The following SLC7A14 variants were observed in gnomAD, a reference collection of about 807,000 sequenced individuals.
The protein encoded by SLC7A14 is gamma-aminobutyric acid transporter SLC7A14.
In SLC7A14, 37 loss-of-function variants were observed where a neutral mutation model predicts 60.2. That is an observed-to-expected ratio of 0.61 (90% CI 0.47 to 0.81). The LOEUF is 0.81. Ranked by LOEUF, SLC7A14 falls within the 30% of genes least tolerant of loss-of-function variation. The pLI, the probability that SLC7A14 is intolerant of heterozygous loss-of-function variation, is 0.00. For synonymous variants in SLC7A14, 399 were observed against 395.8 expected, an observed-to-expected ratio of 1.01 and a Z score of -0.10; for missense variants, 886 against 982.7, an observed-to-expected ratio of 0.90 and a Z score of 1.32.
At chr3:170,516,723 T>C (rs1713171575) in intron 2 of SLC7A14, among the ~76,000 whole-genome samples, 1 of 152,034 alleles carries the variant, frequency 6.6e-6, no homozygotes. Context: ...GCCATGATCA[T>C]GCCACTGCAC....
At chr3:170,504,257 A>C (rs1465473471) in intron 2 of SLC7A14, among the ~76,000 whole-genome samples, 1 of 152,192 alleles carries the variant, frequency 6.6e-6, no homozygotes, top group Non-Finnish European at 1.5e-5. Flanking sequence ...CACATTTAAG[A>C]GTATCTTTCT....
At chr3:170,582,325 A>T (rs892003020) in intron 1 of SLC7A14, among the ~76,000 whole-genome samples, 11 of 152,192 alleles carry the variant, frequency 7.2e-5, no homozygotes, top group Non-Finnish European at 5.9e-5. Flanking sequence ...CTTAAATGAT[A>T]AAAATTTTCT....
intron 2 of SLC7A14, among the ~76,000 whole-genome samples, chr3:170,510,696 A>G (rs1174978569): frequency 6.6e-6 from 1 of 152,204 alleles, no homozygotes; most frequent in Non-Finnish European, 1.5e-5. Context: ...CTGTGCCCCA[A>G]GCCAATCTTC....
intron 4 of SLC7A14, chr3:170,495,900 G>A (rs1712377899): frequency 2.1e-6 from 3 of 1,428,984 alleles, no homozygotes; most frequent in Non-Finnish European, 2.9e-6. Flanking sequence ...TCTGGGCTAG[G>A]AGAAGCTGAA....
chr3:170,481,881 A>G (rs1711840987), intron 6 of SLC7A14, among the ~76,000 whole-genome samples: 1 of 152,150 alleles, frequency 6.6e-6, no homozygotes, highest in Non-Finnish European at 1.5e-5. Context: ...TGACCTGTGA[A>G]CTAGCATCTT....
At position 170,483,482 on chromosome 3, in the gene SLC7A14, A is replaced by G. The variant is rs1256753775; in HGVS notation, c.947T>C (p.Ile316Thr). The change falls in exon 6 of 8, where the codon ATT becomes ACT. Residue 316 changes from isoleucine to threonine, a missense_variant. By Grantham distance (89) the Ile-to-Thr change is moderately conservative. Transcript: ENST00000231706. ...ILTLMVPYYT[I>T]DTESPLMEMF... ...CTCCATGAGTGGGGATTCCGTGTCA[A>G]TGGTATAATATGGCACCATCAGAGT... 8.1e-6 allele frequency: 13 copies of G among 1,614,216 alleles called. No individual in the cohort carries two copies. The highest frequency in any genetic ancestry group is 1.1e-5 in the Non-Finnish European group (13 of 1,180,052).
intron 2 of SLC7A14, among the ~76,000 whole-genome samples, chr3:170,509,329 T>C (rs1488415701): frequency 6.6e-6 from 1 of 152,122 alleles, no homozygotes; most frequent in Non-Finnish European, 1.5e-5. Context: ...CAGGGGTGTA[T>C]GACATCATGT....
At chr3:170,540,637 C>G (rs1490404137) in intron 1 of SLC7A14, among the ~76,000 whole-genome samples, 1 of 152,080 alleles carries the variant, frequency 6.6e-6, no homozygotes, top group East Asian at 1.9e-4. Context: ...GATCCATGGT[C>G]CAGAGAATTC....
At chr3:170,563,377 G>GTGCACTCA (rs368160241) in intron 1 of SLC7A14, among the ~76,000 whole-genome samples, 145 of 150,534 alleles carry the variant, frequency 9.6e-4, no homozygotes, top group African/African-American at 3.5e-3. Context: ...TGCAAAAAAG[G>GTGCACTCA]TGCACTCACA....
rs953958176 is a variant in SLC7A14 at position 170,465,422 on chromosome 3, T to C, written c.*1633A>G. ...TTCTATTCATTCCTGTCACTTAGCA[T>C]TGGGTCTATTCTCAACCAGTGTTAG... On this transcript the variant is annotated 3_prime_UTR_variant, in exon 8 of 8. Transcript: ENST00000231706. The C allele has an allele frequency of 6.6e-6, 1 of 152,210 alleles. No individual in the cohort carries two copies. The highest frequency in any genetic ancestry group is 6.5e-5 in the Admixed American group (1 of 15,284). 9.4% of individuals were successfully genotyped at this position (152,210 alleles called of 1,614,324 possible). A position where few individuals can be genotyped will look rare whatever the true frequency, so the allele number is the denominator to read the frequency against.
At chr3:170,503,057 A>G (rs937154093) in intron 2 of SLC7A14, 1 of 152,178 alleles carries the variant, frequency 6.6e-6, no homozygotes, top group African/African-American at 2.4e-5. Context: ...ATCAGTTACA[A>G]TATTGTTCAG....
intron 1 of SLC7A14, among the ~76,000 whole-genome samples, chr3:170,556,636 T>C (rs757639204): frequency 2.6e-5 from 4 of 152,162 alleles, no homozygotes; most frequent in Non-Finnish European, 4.4e-5. Flanking sequence ...GGGTTTTTCT[T>C]TGAGGAGGGC....
At chr3:170,477,961 C>T (rs528492064) in intron 7 of SLC7A14, among the ~76,000 whole-genome samples, 139 of 152,262 alleles carry the variant, frequency 9.1e-4, no homozygotes, top group Non-Finnish European at 1.5e-3. Flanking sequence ...AATATTTCTA[C>T]CCACTTCCAT....
chr3:170,565,188 G>T lies in SLC7A14; in HGVS notation c.-153+20723C>A, dbSNP rs140143232. Among the ~76,000 whole-genome samples, 616 of 152,248 alleles carry T rather than the reference G, an allele frequency of 4.0e-3. 6 individuals are homozygous for T. The highest frequency in any genetic ancestry group is 0.013 in the African/African-American group (553 of 41,542). On this transcript the variant is annotated intron_variant, in intron 1 of 7. Coordinates refer to ENST00000231706, the MANE Select transcript of SLC7A14 (RefSeq NM_020949.3). ...AGTAGGAATCCCTGGCCTGGCAGGG[G>T]TGGGGTAGAGTAGGGTAGCATGGTA...
chr3:170,467,490 G>A, intron 7 of SLC7A14, 113 bp from the exon 8 acceptor site: 1 of 582,238 alleles, frequency 1.7e-6, no homozygotes, highest in Non-Finnish European at 2.6e-6. Flanking sequence ...GGGGGGCGGT[G>A]GGGGCGGGGA....
chr3:170,566,667 T>A (rs1328444127), intron 1 of SLC7A14, among the ~76,000 whole-genome samples: 1 of 152,070 alleles, frequency 6.6e-6, no homozygotes, highest in Non-Finnish European at 1.5e-5. Context: ...AGGTCTAATC[T>A]CCTTAGTTCA....
chr3:170,471,496 A>T (rs1382985000), intron 7 of SLC7A14, among the ~76,000 whole-genome samples: 1 of 152,228 alleles, frequency 6.6e-6, no homozygotes, highest in Non-Finnish European at 1.5e-5. Context: ...GTATCATCAC[A>T]ACTAAAAATT....
chr3:170,480,628 C>G lies in SLC7A14; in HGVS notation c.1654G>C (p.Gly552Arg). Residue 552 changes from glycine to arginine, a missense_variant, in exon 7 of 8, where the codon GGC (glycine) becomes CGC (arginine). Physicochemically the swap from Gly to Arg is moderately radical, Grantham distance 125 (BLOSUM62 -2). Coordinates refer to ENST00000231706, the MANE Select transcript of SLC7A14 (RefSeq NM_020949.3). ...GCTGCTGTGGGCCGGTCCATTTTGCCTGGAAGGCCCAGCCGGATTCTCATG... is the reference window on the plus strand; with the variant it reads ...GCTGCTGTGGGCCGGTCCATTTTGCGTGGAAGGCCCAGCCGGATTCTCATG... ...YTMRIRLGLP[G>R]KMDRPTAATG... 6.2e-7 allele frequency: 1 copy of G among 1,614,236 alleles called. No individual in the cohort carries two copies. The highest frequency in any genetic ancestry group is 1.1e-5 in the South Asian group (1 of 91,080).
rs377573925 is a variant in SLC7A14 at position 170,486,402 on chromosome 3, G to T, written c.760-34C>A. The T allele has an allele frequency of 5.8e-5, 93 of 1,614,040 alleles. No individual in the cohort carries two copies. The African/African-American group carries it at 1.2e-3, about 21-fold the overall frequency. On this transcript the variant is annotated intron_variant, in intron 4 of 7. Coordinates refer to ENST00000231706, the MANE Select transcript of SLC7A14 (RefSeq NM_020949.3). Reference sequence around the variant, plus strand: ...ATGATGGCATTTGTCAGACTCAGAAGATCGGGGTGGCACCTGGGTCTTAAA... The same window carrying T: ...ATGATGGCATTTGTCAGACTCAGAATATCGGGGTGGCACCTGGGTCTTAAA...
Sources: allele counts gnomAD v4.1 joint callset (sites outside exome capture counted in the v4.1 genomes callset), GRCh38; gene constraint gnomAD v4.1.1; transcripts MANE v1.5; gene names NCBI Gene and HGNC (gene_info 2026-07-23, HGNC 2026-07-21).